The following KCNN3 variants were observed in gnomAD, a reference collection of about 807,000 sequenced individuals.
The protein encoded by KCNN3 is potassium calcium-activated channel subfamily N member 3, also known as small conductance calcium-activated potassium channel protein 3.
KCNN3 carries 16 observed loss-of-function variants against 62.9 expected under a neutral mutation model. The observed-to-expected ratio is 0.25, with a 90% CI of 0.17 to 0.39. KCNN3 has a LOEUF of 0.39. Among genes scored for constraint, KCNN3 ranks in the 10% least tolerant of loss-of-function variants. The probability of loss-of-function intolerance (pLI) is 1.00; values close to 1 mark genes in which losing one functional copy is unlikely to be tolerated. For missense variants in KCNN3, 599 were observed against 949.4 expected (o/e 0.63, Z 4.85); for synonymous variants, 370 against 389.2 (o/e 0.95, Z 0.58).
intron 3 of KCNN3, among the ~76,000 whole-genome samples, chr1:154,742,077 G>A (rs768476909): frequency 3.3e-5 from 5 of 152,170 alleles, no homozygotes; most frequent in Non-Finnish European, 7.3e-5. Flanking sequence ...TCCCGCCTTC[G>A]ACTGTGCCTC....
chr1:154,740,801 A>G (rs1700809083), intron 3 of KCNN3, among the ~76,000 whole-genome samples: 1 of 152,210 alleles, frequency 6.6e-6, no homozygotes, highest in Admixed American at 6.5e-5. Flanking sequence ...CGTGTCATTC[A>G]TGACTTTTGT....
chr1:154,738,061 T>A (rs574572736), intron 3 of KCNN3, among the ~76,000 whole-genome samples: 3 of 152,232 alleles, frequency 2.0e-5, no homozygotes, highest in South Asian at 2.1e-4. Context: ...ATTTTAAAAA[T>A]CATTCAAAAA....
chr1:154,786,808 C>G (rs2101857196), intron 2 of KCNN3, among the ~76,000 whole-genome samples: 1 of 152,238 alleles, frequency 6.6e-6, no homozygotes, highest in Non-Finnish European at 1.5e-5. Flanking sequence ...GCCTATATTG[C>G]TTTTGTAATT....
At chr1:154,864,052 C>T (rs928801487) in intron 1 of KCNN3, among the ~76,000 whole-genome samples, 11 of 152,210 alleles carry the variant, frequency 7.2e-5, no homozygotes, top group Admixed American at 3.9e-4. Flanking sequence ...GCCATTTTCA[C>T]GCTTGCCCTC....
chr1:154,711,402 G>A (rs1700072477), intron 7 of KCNN3, among the ~76,000 whole-genome samples: 1 of 149,084 alleles, frequency 6.7e-6, no homozygotes, highest in Admixed American at 6.7e-5. Flanking sequence ...TAAATGACGA[G>A]TTAATGGGTG....
intron 1 of KCNN3, among the ~76,000 whole-genome samples, chr1:154,838,897 A>G (rs1329085677): frequency 2.6e-5 from 4 of 152,202 alleles, no homozygotes; most frequent in Non-Finnish European, 5.9e-5. Flanking sequence ...TTATCAAATT[A>G]AGGAGTGAAT....
At chr1:154,757,337 T>C (rs1647771663) in intron 3 of KCNN3, among the ~76,000 whole-genome samples, 1 of 152,208 alleles carries the variant, frequency 6.6e-6, no homozygotes. Context: ...TCTCTTTGAG[T>C]CCTGGCTGGT....
intron 2 of KCNN3, among the ~76,000 whole-genome samples, chr1:154,778,568 A>G (rs1309383703): frequency 6.7e-6 from 1 of 150,274 alleles, no homozygotes; most frequent in Non-Finnish European, 1.5e-5. Flanking sequence ...CTCTCTTCCA[A>G]TCAAGAAGTA....
intron 1 of KCNN3, among the ~76,000 whole-genome samples, chr1:154,857,218 G>A (rs907383947): frequency 1.6e-4 from 24 of 152,198 alleles, no homozygotes; most frequent in Non-Finnish European, 5.9e-5. Flanking sequence ...CACAGACCTG[G>A]AGACTGAGGC....
chr1:154,710,054 G>A (rs944279721), intron 7 of KCNN3, among the ~76,000 whole-genome samples: 2 of 152,172 alleles, frequency 1.3e-5, no homozygotes, highest in East Asian at 1.9e-4. Flanking sequence ...CTGAGCCTCC[G>A]ATGGTAGGAA....
chr1:154,814,775 G>T (rs998262642), intron 2 of KCNN3, among the ~76,000 whole-genome samples: 4 of 152,244 alleles, frequency 2.6e-5, no homozygotes, highest in Non-Finnish European at 5.9e-5. Flanking sequence ...CTCGGGCCCA[G>T]TTGGTGGTGT....
intron 3 of KCNN3, among the ~76,000 whole-genome samples, chr1:154,734,199 G>A (rs530679470): frequency 1.3e-5 from 2 of 152,184 alleles, no homozygotes; most frequent in African/African-American, 4.8e-5. Flanking sequence ...TGGTGAAGGT[G>A]AGTCCTCTTC....
At chr1:154,816,036 T>C (rs1475363746) in intron 2 of KCNN3, among the ~76,000 whole-genome samples, 1 of 152,226 alleles carries the variant, frequency 6.6e-6, no homozygotes. Context: ...ATAATTTATG[T>C]CCTGTAATTT....
intron 2 of KCNN3, among the ~76,000 whole-genome samples, chr1:154,792,358 A>G (rs912729438): frequency 5.3e-5 from 8 of 152,224 alleles, no homozygotes; most frequent in African/African-American, 1.9e-4. Flanking sequence ...CTCTGTAAAT[A>G]TAGAGTAACA....
At chr1:154,840,884 A>G (rs964649953) in intron 1 of KCNN3, among the ~76,000 whole-genome samples, 5 of 152,124 alleles carry the variant, frequency 3.3e-5, no homozygotes, top group Non-Finnish European at 7.4e-5. Context: ...CGGATCCCCC[A>G]GGTCAGGCCA....
At chr1:154,716,476 T>C (rs1571206241) in intron 5 of KCNN3, among the ~76,000 whole-genome samples, 1 of 152,364 alleles carries the variant, frequency 6.6e-6, no homozygotes, top group East Asian at 1.9e-4. Flanking sequence ...GTTGTTAAAA[T>C]ACTGAGATGT....
chr1:154,821,390 T>A (rs1266812093), intron 2 of KCNN3, among the ~76,000 whole-genome samples: 1 of 152,168 alleles, frequency 6.6e-6, no homozygotes, highest in Admixed American at 6.5e-5. Context: ...GGAAGCTCAT[T>A]GTCACCAGAA....
intron 1 of KCNN3, among the ~76,000 whole-genome samples, chr1:154,855,018 G>A (rs1165689817): frequency 1.3e-5 from 2 of 152,136 alleles, no homozygotes; most frequent in Non-Finnish European, 2.9e-5. Context: ...AGGAGTTTGA[G>A]ACTAGCCTAG....
At chr1:154,831,824 ACTTTAG>A (rs1651388243) in intron 1 of KCNN3, among the ~76,000 whole-genome samples, 1 of 152,020 alleles carries the variant, frequency 6.6e-6, no homozygotes, top group East Asian at 1.9e-4. Context: ...ACCTGCTCTG[ACTTTAG>A]CATCCCGGTG....
Sources: gnomAD v4.1 joint callset for allele counts (sites outside exome capture counted in the v4.1 genomes callset) on GRCh38, gnomAD v4.1.1 for gene constraint, MANE v1.5 for transcripts, NCBI Gene and HGNC (gene_info 2026-07-23, HGNC 2026-07-21) for gene names.